The following SEMA5A variants were observed in gnomAD, a reference collection of about 807,000 sequenced individuals.
SEMA5A encodes semaphorin 5A.
A neutral mutation model predicts 135.5 loss-of-function variants in SEMA5A; 55 were observed. The observed-to-expected ratio is 0.41, with a 90% CI of 0.33 to 0.51. The LOEUF is 0.51. Among genes scored for constraint, SEMA5A ranks in the 20% least tolerant of loss-of-function variants. The pLI is 0.37. For synonymous variants in SEMA5A, 580 were observed against 546.5 expected (o/e 1.06, Z -0.85); for missense variants, 1,290 against 1,419.9 (o/e 0.91, Z 1.47).
chr5:9,341,282 C>A (rs890607971), intron 3 of SEMA5A, among the ~76,000 whole-genome samples: 16 of 151,962 alleles, frequency 1.1e-4, no homozygotes, highest in African/African-American at 3.9e-4. Flanking sequence ...GATGGCTCAG[C>A]AAGCTTAGTA....
intron 9 of SEMA5A, among the ~76,000 whole-genome samples, chr5:9,198,813 CTGGAGT>C (rs1745552200): frequency 6.6e-6 from 1 of 152,102 alleles, no homozygotes; most frequent in Non-Finnish European, 1.5e-5. Flanking sequence ...AATAAGTGTG[CTGGAGT>C]AAGAATGGCT....
chr5:9,042,518 C>CG lies in SEMA5A; in HGVS notation c.*378_*379insC. 9 of 231,498 alleles carry CG rather than the reference C, an allele frequency of 3.9e-5. No individual in the cohort carries two copies. The highest frequency in any genetic ancestry group is 1.8e-4 in the South Asian group (3 of 16,220). The allele number at this position is 231,498 out of a possible 1,614,324, so 14.3% of individuals were successfully genotyped here. On this transcript the variant is annotated 3_prime_UTR_variant, in exon 23 of 23. Transcript: ENST00000382496. ...GGAGCAGGTCTTTCAGAGAAAGTGC[C>CG]TATTTTCTTGAATTACAACATCATG...
intron 2 of SEMA5A, among the ~76,000 whole-genome samples, chr5:9,381,460 T>C (rs1755604226): frequency 6.6e-6 from 1 of 152,178 alleles, no homozygotes; most frequent in Non-Finnish European, 1.5e-5. Flanking sequence ...CTCGCTCTGC[T>C]CATTTTAATA....
chr5:9,250,664 T>G (rs142473987), intron 5 of SEMA5A, among the ~76,000 whole-genome samples: 33 of 152,300 alleles, frequency 2.2e-4, no homozygotes, highest in African/African-American at 7.7e-4. Flanking sequence ...CTGTAGGAAT[T>G]CAAAGTAATT....
At chr5:9,353,046 GAAGGAAAGGAAAGGAAGGAAAGGA>G (rs1554023528) in intron 3 of SEMA5A, among the ~76,000 whole-genome samples, 6 of 109,486 alleles carry the variant, frequency 5.5e-5, no homozygotes, top group South Asian at 3.3e-4. Flanking sequence ...AAAGAAGAAG[GAAGGAAAGGAAAGGAAGGAAAGGA>G]AAGGAAAGGA....
chr5:9,515,362 A>G (rs1736451020), intron 1 of SEMA5A, among the ~76,000 whole-genome samples: 1 of 152,228 alleles, frequency 6.6e-6, no homozygotes, highest in Admixed American at 6.5e-5. Flanking sequence ...GAAGGCAGGG[A>G]CCATCTCTAG....
intron 16 of SEMA5A, among the ~76,000 whole-genome samples, chr5:9,103,033 G>A (rs1158464059): frequency 6.6e-6 from 1 of 152,136 alleles, no homozygotes; most frequent in Non-Finnish European, 1.5e-5. Context: ...ACTTTCATGG[G>A]TATGAGATAT....
intron 9 of SEMA5A, among the ~76,000 whole-genome samples, chr5:9,199,111 C>T (rs1354933045): frequency 6.6e-6 from 1 of 152,094 alleles, no homozygotes; most frequent in African/African-American, 2.4e-5. Flanking sequence ...CAGGCAGCTT[C>T]CAGGTAAAGG....
chr5:9,045,332 C>T (rs1449191794), intron 21 of SEMA5A, among the ~76,000 whole-genome samples: 1 of 152,216 alleles, frequency 6.6e-6, no homozygotes, highest in African/African-American at 2.4e-5. Flanking sequence ...GAAGCAGCTA[C>T]TTTTCTAATC....
chr5:9,063,840 A>T (rs1737314245), intron 17 of SEMA5A, among the ~76,000 whole-genome samples: 1 of 152,228 alleles, frequency 6.6e-6, no homozygotes, highest in Non-Finnish European at 1.5e-5. Flanking sequence ...GGCTTTGAGG[A>T]CATATTGTGG....
chr5:9,459,118 TA>T (rs1256721162), intron 1 of SEMA5A, among the ~76,000 whole-genome samples: 3 of 152,246 alleles, frequency 2.0e-5, no homozygotes, highest in Middle Eastern at 3.4e-3. Flanking sequence ...CTCAACTTTT[TA>T]AAAAAAGTCC....
Position 9,334,767 on chromosome 5 carries a change from C to T in SEMA5A, c.224+2946G>A, listed in dbSNP as rs767003007. Among the ~76,000 whole-genome samples the T allele has an allele frequency of 4.6e-5, 7 of 152,144 alleles. No individual in the cohort carries two copies. The South Asian group carries it at 1.0e-3, about 23-fold the overall frequency. ...AATAAAAAACTACAGCCCATGCTCC[C>T]GGGGTCACCAAACCTTTGGAACATA... On this transcript the variant is annotated intron_variant, in intron 4 of 22. Coordinates refer to ENST00000382496, the MANE Select transcript of SEMA5A (RefSeq NM_003966.3).
intron 6 of SEMA5A, among the ~76,000 whole-genome samples, chr5:9,228,770 G>GA: frequency 6.6e-6 from 1 of 152,350 alleles, no homozygotes; most frequent in Middle Eastern, 3.4e-3. Flanking sequence ...CACGAGGCAT[G>GA]AAAGATGCTG....
At chr5:9,430,289 T>C (rs1757811723) in intron 2 of SEMA5A, among the ~76,000 whole-genome samples, 1 of 152,144 alleles carries the variant, frequency 6.6e-6, no homozygotes, top group African/African-American at 2.4e-5. Flanking sequence ...TTGGACATGG[T>C]TAATTTGAAG....
At chr5:9,251,007 A>G (rs545016140) in intron 5 of SEMA5A, among the ~76,000 whole-genome samples, 206 of 152,322 alleles carry the variant, frequency 1.4e-3, no homozygotes, top group Admixed American at 6.5e-3. Flanking sequence ...AAGAGGTAAG[A>G]CCTTTAGGGG....
At chr5:9,344,720 T>C (rs1561168114) in intron 3 of SEMA5A, among the ~76,000 whole-genome samples, 2 of 152,244 alleles carry the variant, frequency 1.3e-5, no homozygotes, top group South Asian at 4.1e-4. Flanking sequence ...TGTACAGATA[T>C]GCTAAACCTT....
chr5:9,120,287 T>C (rs1224427754), intron 14 of SEMA5A, among the ~76,000 whole-genome samples: 2 of 152,138 alleles, frequency 1.3e-5, no homozygotes, highest in African/African-American at 4.8e-5. Flanking sequence ...GTGTATTTCC[T>C]TTTAAAACAT....
At chr5:9,219,317 T>A (rs951601809) in intron 8 of SEMA5A, among the ~76,000 whole-genome samples, 1 of 152,110 alleles carries the variant, frequency 6.6e-6, no homozygotes, top group Non-Finnish European at 1.5e-5. Context: ...GACCTGGGGT[T>A]GAGTGGGTCT....
chr5:9,112,878 A>C (rs1740315664), intron 15 of SEMA5A, among the ~76,000 whole-genome samples: 1 of 152,210 alleles, frequency 6.6e-6, no homozygotes, highest in Admixed American at 6.5e-5. Flanking sequence ...TTTCAAGAGA[A>C]CTTTCTCCCT....
Sources: allele counts gnomAD v4.1 joint callset (sites outside exome capture counted in the v4.1 genomes callset), GRCh38; gene constraint gnomAD v4.1.1; transcripts MANE v1.5; gene names NCBI Gene and HGNC (gene_info 2026-07-23, HGNC 2026-07-21).